The following ERN2 variants were observed in gnomAD, a reference collection of about 807,000 sequenced individuals.
The protein encoded by ERN2 is endoplasmic reticulum to nucleus signaling 2, also known as serine/threonine-protein kinase/endoribonuclease IRE2.
Under a neutral mutation model 107.9 loss-of-function variants are expected in ERN2, and 111 were observed. The observed-to-expected ratio is 1.03, with a 90% CI of 0.88 to 1.20. The LOEUF (loss-of-function observed/expected upper bound fraction) is 1.20. Among genes scored for constraint, ERN2 ranks in the 50% most tolerant of loss-of-function variants. ERN2 has a pLI of 0.00. For synonymous variants in ERN2, 524 were observed against 501.7 expected, an observed-to-expected ratio of 1.04 and a Z score of -0.59; for missense variants, 1,225 against 1,197.9, an observed-to-expected ratio of 1.02 and a Z score of -0.33.
Position 23,702,678 on chromosome 16 carries a change from AT to A in ERN2, c.878del (p.Asp293ValfsTer23). 7 of 1,614,210 alleles carry A rather than the reference AT, an allele frequency of 4.3e-6. No individual in the cohort carries two copies. Among genetic ancestry groups the A allele is most frequent in the Non-Finnish European group, 5.9e-6 (7 of 1,180,006 alleles). On this transcript the variant is annotated frameshift_variant, in exon 9 of 22. Coordinates refer to ENST00000256797, the MANE Select transcript of ERN2 (RefSeq NM_033266.4). LOFTEE classifies it high-confidence loss of function. Reference sequence around the variant, plus strand: ...CTTTAGAGACATAGAAGCCAGTTTCATCCTTCCCCACATACAGCGTCATTCT... The same window carrying A: ...CTTTAGAGACATAGAAGCCAGTTTCACCTTCCCCACATACAGCGTCATTCT... ...QLLMTLYVGK[D>X]ETGFYVSKAL... is the part of the protein sequence containing the mutation.
At position 23,695,089 on chromosome 16, in the gene ERN2, C is replaced by G. The variant is rs747795426; in HGVS notation, c.1830G>C (p.Gly610=). The change falls in exon 16 of 22, where the codon GGG becomes GGC. Residue 610 remains glycine (G), a synonymous_variant. Transcript: ENST00000256797. The stretch of plus-strand genomic sequence containing the variant: ...GCAGCACGACCTCGGGCTCCAGACC[C>G]CCGCGATCCAGGTCCGGGTTTTCTA... ...EYVENPDLDR[G]GLEPEVVLQQ... The G allele has an allele frequency of 1.1e-5, 17 of 1,613,952 alleles. No individual in the cohort carries two copies. The highest frequency in any genetic ancestry group is 3.3e-4 in the Middle Eastern group (2 of 6,060).
In ERN2 at chr16:23,705,164, C is replaced by CT. The variant is rs774669094; in HGVS notation, c.590-18dup. 1.2e-6 allele frequency: 2 copies of CT among 1,608,844 alleles called. No individual in the cohort carries two copies. Among genetic ancestry groups the CT allele is most frequent in the African/African-American group, 2.7e-5 (2 of 74,820 alleles). On this transcript the variant is annotated splice_polypyrimidine_tract_variant and intron_variant, in intron 7 of 21. Transcript: ENST00000256797. ...GGCTCATGTCTGCCGAGAAAGGTGG[C>CT]TGGGGAGATGTGGTTGGAAGCTCTC...
chr16:23,707,660 C>A (rs1416933134), intron 4 of ERN2, among the ~76,000 whole-genome samples: 2 of 152,110 alleles, frequency 1.3e-5, no homozygotes, highest in African/African-American at 4.8e-5. Context: ...GGCTGCAGAG[C>A]TATGATTGTG....
chr16:23,704,929 G>T lies in ERN2; in HGVS notation c.808C>A (p.Pro270Thr). The part of the protein sequence containing the change: ...WGHIRLPASG[P>T]RDTATLFSTL... ...GAGAAGAGGGTGGCTGTGTCCCGGG[G>T]GCCTGAGGCAGGCAGTCGGATGTGG... is the stretch of plus-strand genomic sequence containing the variant. Residue 270 changes from proline to threonine, a missense_variant, in exon 8 of 22, where the codon CCC becomes ACC. Physicochemically the swap from Pro to Thr is conservative, Grantham distance 38 (BLOSUM62 -1). Coordinates refer to ENST00000256797, the MANE Select transcript of ERN2 (RefSeq NM_033266.4). The T allele has an allele frequency of 6.2e-7, 1 of 1,613,540 alleles. No individual in the cohort carries two copies. Among genetic ancestry groups the T allele is most frequent in the South Asian group, 1.1e-5 (1 of 91,086 alleles).
chr16:23,706,988 A>G lies in ERN2; in HGVS notation c.379+19T>C, dbSNP rs1960344129. On this transcript the variant is annotated intron_variant, in intron 5 of 21. Transcript: ENST00000256797. ...TCTGCTGGCTGAACCTGGACCCCACAGGCTGAAGAGATGCTCACCTGTGTA... is the reference window on the plus strand; with the variant it reads ...TCTGCTGGCTGAACCTGGACCCCACGGGCTGAAGAGATGCTCACCTGTGTA... The G allele has an allele frequency of 6.2e-7, 1 of 1,612,030 alleles. No homozygotes were observed. The highest frequency in any genetic ancestry group is 1.3e-5 in the African/African-American group (1 of 75,004).
chr16:23,693,412 A>G (rs1360979326), intron 17 of ERN2, among the ~76,000 whole-genome samples: 1 of 151,884 alleles, frequency 6.6e-6, no homozygotes, highest in East Asian at 1.9e-4. Context: ...ACATGGCATA[A>G]ACCCCATCTC....
At chr16:23,702,090 G>GGGCT (rs1960093972) in intron 11 of ERN2, 62 bp downstream of exon 11, 2 of 1,538,608 alleles carry the variant, frequency 1.3e-6, no homozygotes, top group African/African-American at 1.4e-5. Context: ...AAAGATCCAA[G>GGGCT]GGCTATTCCC....
intron 19 of ERN2, 118 bp from the exon 20 acceptor site, chr16:23,691,543 G>A (rs1037156758): frequency 8.8e-5 from 109 of 1,235,370 alleles, no homozygotes; most frequent in Middle Eastern, 2.0e-4. Context: ...CTCTGGGGGC[G>A]TGAAGCTTCT....
In ERN2 at chr16:23,692,310, A is replaced by C. The variant is rs199974932; in HGVS notation, c.2122T>G (p.Ser708Ala). The C allele has an allele frequency of 6.2e-7, 1 of 1,613,476 alleles. No homozygotes were observed. Among genetic ancestry groups the C allele is most frequent in the East Asian group, 2.2e-5 (1 of 44,886 alleles). The change falls in exon 18 of 22, where the codon TCT (serine) becomes GCT (alanine). Residue 708 changes from serine (S) to alanine (A), a missense_variant. Physicochemically the swap from Ser to Ala is moderately conservative, Grantham distance 99 (BLOSUM62 1). Coordinates refer to ENST00000256797, the MANE Select transcript of ERN2 (RefSeq NM_033266.4). Reference protein sequence around the residue: ...DSPTSAVDIFSAGCVFYYVLS... With the variant: ...DSPTSAVDIFAAGCVFYYVLS... ...ACGTAGTAGAACACGCAGCCTGCAG[A>C]GAAGATGTCCACAGCGCTGGTCTGG... is the stretch of plus-strand genomic sequence containing the variant.
chr16:23,696,027 C>T (rs369453354), intron 13 of ERN2, 49 bp from the exon 14 acceptor site: 13 of 1,407,874 alleles, frequency 9.2e-6, no homozygotes, highest in African/African-American at 2.8e-5. Context: ...CCACCTTTGC[C>T]GGCCACTGGC....
At position 23,706,775 on chromosome 16, in the gene ERN2, G is replaced by T. The variant is rs143761786; in HGVS notation, c.466C>A (p.Arg156Ser). 1.2e-6 allele frequency: 2 copies of T among 1,607,912 alleles called. No homozygotes were observed. The highest frequency in any genetic ancestry group is 1.7e-5 in the Admixed American group (1 of 58,582). Residue 156 changes from arginine (R) to serine (S), a missense_variant, in exon 6 of 22, where the codon CGC becomes AGC. Transcript: ENST00000256797. ...TCACGTGTTCGGCCAATGTAGAGGC[G>T]GGGGGTGGAGGGACCCTCTGTGGTC... Reference protein sequence around the residue: ...TLTTEGPSTPRLYIGRTQYTV... With the variant: ...TLTTEGPSTPSLYIGRTQYTV...
At chr16:23,699,645 G>A (rs1275203216) in intron 13 of ERN2, among the ~76,000 whole-genome samples, 6 of 152,052 alleles carry the variant, frequency 3.9e-5, no homozygotes, top group South Asian at 2.1e-4. Flanking sequence ...GGCTGGTCTC[G>A]AACTCCTGGC....
At chr16:23,710,084 A>G (rs1186302374) in intron 4 of ERN2, 88 bp downstream of exon 4, 1 of 875,504 alleles carries the variant, frequency 1.1e-6, no homozygotes, top group Non-Finnish European at 1.9e-6. Context: ...AACAGGAGAT[A>G]CTGACCATAC....
chr16:23,704,746 G>A (rs1960226178), intron 8 of ERN2, 137 bp downstream of exon 8: 1 of 1,010,308 alleles, frequency 9.9e-7, no homozygotes, highest in Non-Finnish European at 1.5e-6. Context: ...AGTTGGGTAA[G>A]TAACCAATTT....
intron 8 of ERN2, among the ~76,000 whole-genome samples, chr16:23,703,726 C>G (rs1960185880): frequency 6.6e-6 from 1 of 152,140 alleles, no homozygotes; most frequent in South Asian, 2.1e-4. Context: ...GTATTTCAGT[C>G]TTATTTAATT....
At chr16:23,708,670 G>T (rs960250768) in intron 4 of ERN2, among the ~76,000 whole-genome samples, 3 of 152,038 alleles carry the variant, frequency 2.0e-5, no homozygotes, top group African/African-American at 7.2e-5. Flanking sequence ...TGCTGTTCTT[G>T]TAATAGAGTT....
At chr16:23,701,533 C>T (rs115771094) in intron 11 of ERN2, among the ~76,000 whole-genome samples, 92 of 152,258 alleles carry the variant, frequency 6.0e-4, no homozygotes, top group African/African-American at 2.2e-3. Flanking sequence ...CTCCCAGGAG[C>T]ACATGCTTTT....
In ERN2 at chr16:23,713,038, G is replaced by T; in HGVS notation, c.93+57C>A. 7 of 1,334,324 alleles carry T rather than the reference G, an allele frequency of 5.2e-6. No homozygotes were observed. In the South Asian group the frequency reaches 9.2e-5, roughly 18 times the overall value. The allele number at this position is 1,334,324 out of a possible 1,614,324, so 82.7% of individuals were successfully genotyped here. A position where few individuals can be genotyped will look rare whatever the true frequency, so the allele number is the denominator to read the frequency against. ...GCGCCCTCGCCCCAAGTGCGACGCC[G>T]CCCCCTGCGCCCCGCGACCAGACTT... On this transcript the variant is annotated intron_variant, in intron 1 of 21. Coordinates refer to ENST00000256797, the MANE Select transcript of ERN2 (RefSeq NM_033266.4).
intron 13 of ERN2, 145 bp from the exon 14 acceptor site, chr16:23,696,123 G>T: frequency 1.6e-6 from 1 of 643,906 alleles, no homozygotes; most frequent in Non-Finnish European, 2.8e-6. Flanking sequence ...GGGCCCAAGT[G>T]CCAGACTGTC....
Sources: allele counts gnomAD v4.1 joint callset (sites outside exome capture counted in the v4.1 genomes callset), GRCh38; gene constraint gnomAD v4.1.1; transcripts MANE v1.5; gene names NCBI Gene and HGNC (gene_info 2026-07-23, HGNC 2026-07-21).